KMT2D: variants seen among roughly 807,000 people sequenced by gnomAD.
KMT2D encodes the protein lysine methyltransferase 2D.
In KMT2D, 55 loss-of-function variants were observed where a neutral mutation model predicts 512.7. That is an observed-to-expected ratio of 0.11 (90% confidence interval 0.09 to 0.13). The LOEUF is 0.13. Among genes scored for constraint, KMT2D ranks in the 10% least tolerant of loss-of-function variants. The pLI is 1.00. For synonymous variants in KMT2D, 2,995 were observed against 2,904.0 expected (o/e 1.03, Z -1.01); for missense variants, 6,061 against 7,127.9 (o/e 0.85, Z 5.39).
rs1943547631 is a variant in KMT2D at position 49,041,860 on chromosome 12, A to G, written c.6183+57T>C. 2 of 1,547,258 alleles carry G rather than the reference A, an allele frequency of 1.3e-6. No individual in the cohort carries two copies. Among genetic ancestry groups the G allele is most frequent in the Non-Finnish European group, 8.8e-7 (1 of 1,138,450 alleles). On this transcript the variant is annotated intron_variant, in intron 30 of 54. Coordinates refer to ENST00000301067, the MANE Select transcript of KMT2D (RefSeq NM_003482.4). The surrounding 1 kb of genome is among the most constrained non-coding windows in gnomAD (Gnocchi z 5.4). The stretch of plus-strand genomic sequence containing the variant: ...CGGAAAGAACTGAGGTAAATTACCC[A>G]AAGATCCCTCCCTCCCTCTCAGTTC...
Position 49,031,047 on chromosome 12 carries a change from G to A in KMT2D, c.13531-14C>T, listed in dbSNP as rs762282284. 6.2e-7 allele frequency: 1 copy of A among 1,613,494 alleles called. No homozygotes were observed. The highest frequency in any genetic ancestry group is 8.5e-7 in the Non-Finnish European group (1 of 1,179,804). On this transcript the variant is annotated splice_polypyrimidine_tract_variant and intron_variant, in intron 40 of 54. Transcript: ENST00000301067. ...TGCTGCTGCATCCTAAGCCAAATAA[G>A]CCCATTGAAGGCTGCTACCCTCCTC...
At chr12:49,035,685 G>C (rs147682997) in intron 35 of KMT2D, 2 of 152,158 alleles carry the variant, frequency 1.3e-5, no homozygotes, top group African/African-American at 4.8e-5. Context: ...TCAGCCTGCC[G>C]AGTAGCTGTG....
intron 48 of KMT2D, 60 bp downstream of exon 48, chr12:49,027,743 C>T (rs901615819): frequency 2.6e-6 from 4 of 1,547,646 alleles, no homozygotes; most frequent in Admixed American, 2.0e-5. Flanking sequence ...TGTGAGCCAC[C>T]GCGCCTGGCC....
chr12:49,050,387 C>T lies in KMT2D; in HGVS notation c.3201G>A (p.Glu1067=), dbSNP rs1937881637. The T allele has an allele frequency of 6.2e-7, 1 of 1,613,284 alleles. No individual in the cohort carries two copies. Among genetic ancestry groups the T allele is most frequent in the African/African-American group, 1.3e-5 (1 of 74,928 alleles). Residue 1067 remains glutamate (E), a synonymous_variant, in exon 12 of 55, where the codon GAG becomes GAA. Coordinates refer to ENST00000301067, the MANE Select transcript of KMT2D (RefSeq NM_003482.4). ...PIGKVVGVSD[E]AELHEMETEK... ...CAGTCTCCATCTCGTGCAGCTCAGC[C>T]TCATCTGAGACCCCCACTACCTTCC... is the stretch of plus-strand genomic sequence containing the variant.
Position 49,026,252 on chromosome 12 carries a change from C to G in KMT2D, c.15714G>C (p.Arg5238=), listed in dbSNP as rs2137714981. 6.2e-7 allele frequency: 1 copy of G among 1,604,292 alleles called. No individual in the cohort carries two copies. The highest frequency in any genetic ancestry group is 2.2e-5 in the East Asian group (1 of 44,600). ...YRCSIGENNG[R]PEFVIKVIEQ... ...CGATGACTTTGATTACAAACTCCGG[C>G]CGCCCGTTGTTCTCACCAATAGAAC... Residue 5238 remains arginine (R), a synonymous_variant, in exon 49 of 55, where the codon CGG becomes CGC. Coordinates refer to ENST00000301067, the MANE Select transcript of KMT2D (RefSeq NM_003482.4). The surrounding 1 kb of genome is among the most constrained non-coding windows in gnomAD (Gnocchi z 9.6).
Position 49,055,144 on chromosome 12 carries a change from T to C in KMT2D, c.50-118A>G, listed in dbSNP as rs563458995. ...TGGATCAGAGTGATGATATTTCAAC[T>C]GTTGTCCCAAAGAACAAAGTTGTTC... On this transcript the variant is annotated intron_variant, in intron 2 of 54. Transcript: ENST00000301067. 1.6e-4 allele frequency: 254 copies of C among 1,554,576 alleles called. No individual in the cohort carries two copies. In the African/African-American group the frequency reaches 2.8e-3, roughly 17 times the overall value.
At chr12:49,043,251 G>GAGGGCC in intron 25 of KMT2D, 65 bp from the exon 26 acceptor site, 1 of 1,536,222 alleles carries the variant, frequency 6.5e-7, no homozygotes, top group Non-Finnish European at 9.0e-7. Flanking sequence ...CTGAACCACA[G>GAGGGCC]AGGGCCATGG....
At chr12:49,028,744 C>T (rs2120384776) in intron 46 of KMT2D, 84 bp downstream of exon 46, 4 of 1,559,118 alleles carry the variant, frequency 2.6e-6, no homozygotes, top group Non-Finnish European at 3.5e-6. Flanking sequence ...GCTTGAACGA[C>T]TACATTTTTC....
At position 49,020,728 on chromosome 12, in the gene KMT2D, C is replaced by G. The variant is rs752860393; in HGVS notation, c.*1052G>C. 5.2e-5 allele frequency: 11 copies of G among 212,328 alleles called. No homozygotes were observed. The highest frequency in any genetic ancestry group is 8.6e-5 in the Non-Finnish European group (9 of 104,656). The allele number at this position is 212,328 out of a possible 1,614,324, so 13.2% of individuals were successfully genotyped here. ...ATGGGCATGCCACTCAGGGATAGCC[C>G]TCACCCTACCCCCCACCCAACCCGT... On this transcript the variant is annotated 3_prime_UTR_variant, in exon 55 of 55. Transcript: ENST00000301067.
Position 49,024,772 on chromosome 12 carries a change from T to C in KMT2D, c.15921+38A>G. 4 of 1,608,754 alleles carry C rather than the reference T, an allele frequency of 2.5e-6. No individual in the cohort carries two copies. Among genetic ancestry groups the C allele is most frequent in the Non-Finnish European group, 3.4e-6 (4 of 1,176,106 alleles). On this transcript the variant is annotated intron_variant, in intron 50 of 54. Coordinates refer to ENST00000301067, the MANE Select transcript of KMT2D (RefSeq NM_003482.4). This position sits in a 1 kb window ranked among gnomAD's most constrained non-coding sequence, Gnocchi z 4.5. ...TTTGGGGTTAGGCCAAAGTTCTCAGTGCCCGCCAAGCCCCCCAGCTCCCAG... is the reference window on the plus strand; with the variant it reads ...TTTGGGGTTAGGCCAAAGTTCTCAGCGCCCGCCAAGCCCCCCAGCTCCCAG...
rs946474879 is a variant in KMT2D at position 49,020,761 on chromosome 12, C to T, written c.*1019G>A. 9.6e-6 allele frequency: 2 copies of T among 208,044 alleles called. No homozygotes were observed. Among genetic ancestry groups the T allele is most frequent in the Non-Finnish European group, 9.8e-6 (1 of 101,780 alleles). 12.9% of individuals were successfully genotyped at this position (208,044 alleles called of 1,614,324 possible). On this transcript the variant is annotated 3_prime_UTR_variant, in exon 55 of 55. Transcript: ENST00000301067. ...ACCCCCCACCCAACCCGTCCAGGGGCTGGAGGGCAAACAGGCTCATGATGA... is the reference window on the plus strand; with the variant it reads ...ACCCCCCACCCAACCCGTCCAGGGGTTGGAGGGCAAACAGGCTCATGATGA...
Position 49,042,630 on chromosome 12 carries a change from C to A in KMT2D, c.5798G>T (p.Gly1933Val), listed in dbSNP as rs780955090. Residue 1933 changes from glycine (G) to valine (V), a missense_variant, in exon 28 of 55, where the codon GGC becomes GTC. Gly to Val is a moderately radical substitution (Grantham distance 109, BLOSUM62 -3). Around this residue, in one of 16 missense-constraint regions of KMT2D, gnomAD observed 640 missense variants for 814.3 expected, o/e 0.79. Transcript: ENST00000301067. This position sits in a 1 kb window ranked among gnomAD's most constrained non-coding sequence, Gnocchi z 4.4. ...CATTGGGCTGCTGGAGGGCAGATTG[C>A]CCAAAGGGAGTCCACCTACAAGACG... ...RPFLQGGLPL[G>V]NLPSSSPMDS... The A allele has an allele frequency of 3.1e-6, 5 of 1,613,384 alleles. No individual in the cohort carries two copies. The highest frequency in any genetic ancestry group is 1.3e-5 in the African/African-American group (1 of 74,890).
At position 49,054,770 on chromosome 12, in the gene KMT2D, C is replaced by T. The variant is rs754931522; in HGVS notation, c.177-19G>A. 1.2e-6 allele frequency: 2 copies of T among 1,612,656 alleles called. No homozygotes were observed. Among genetic ancestry groups the T allele is most frequent in the East Asian group, 4.5e-5 (2 of 44,844 alleles). ...ACCCCCACTGTGGACACACAAGCAT[C>T]AGTACCACGCCAGGCCCCCAGCAAC... is the stretch of plus-strand genomic sequence containing the variant. On this transcript the variant is annotated intron_variant, in intron 3 of 54. Transcript: ENST00000301067. This position sits in a 1 kb window ranked among gnomAD's most constrained non-coding sequence, Gnocchi z 6.4.
At chr12:49,027,472 A>G (rs1343685265) in intron 48 of KMT2D, 150 bp from the exon 49 acceptor site, 1 of 706,092 alleles carries the variant, frequency 1.4e-6, no homozygotes, top group Non-Finnish European at 2.2e-6. Context: ...TTTTTTTGAG[A>G]CACAGTCTTG....
In KMT2D at chr12:49,060,589, T is replaced by C. The variant is rs750045168; in HGVS notation, c.-1014A>G. Among the ~76,000 whole-genome samples, 1 of 152,086 alleles carries C rather than the reference T, an allele frequency of 6.6e-6. No individual in the cohort carries two copies. The highest frequency in any genetic ancestry group is 1.5e-5 in the Non-Finnish European group (1 of 67,970). ...GGAAAGTAGTGCAGCGCGGCGCCGCTCCGCCTCCCCCCCTCCGCCTCCTGT... is the reference window on the plus strand; with the variant it reads ...GGAAAGTAGTGCAGCGCGGCGCCGCCCCGCCTCCCCCCCTCCGCCTCCTGT... On this transcript the variant is annotated 5_prime_UTR_variant, in exon 1 of 55. Transcript: ENST00000301067.
At position 49,042,738 on chromosome 12, in the gene KMT2D, T is replaced by G. The variant is rs1943599306; in HGVS notation, c.5782+3A>C. 6.2e-7 allele frequency: 1 copy of G among 1,612,792 alleles called. No individual in the cohort carries two copies. The highest frequency in any genetic ancestry group is 1.3e-5 in the African/African-American group (1 of 74,844). ...GTCTTCAGACCACTCCCACCTGTAT[T>G]ACCTTGAAGAAAGGGCCTCTGCAGT... On this transcript the variant is annotated splice_donor_region_variant and intron_variant, in intron 27 of 54. Transcript: ENST00000301067. The surrounding 1 kb of genome is among the most constrained non-coding windows in gnomAD (Gnocchi z 4.4).
chr12:49,021,939 T>G, intron 54 of KMT2D, 67 bp from the exon 55 acceptor site: 2 of 1,554,592 alleles, frequency 1.3e-6, no homozygotes. Context: ...AGAGAAGATA[T>G]GATCTGAGGT....
In KMT2D at chr12:49,022,300, C is replaced by T. The variant is rs757610867; in HGVS notation, c.16392G>A (p.Thr5464=). The change falls in exon 53 of 55, where the codon ACG becomes ACA. Residue 5464 remains threonine, a synonymous_variant. Transcript: ENST00000301067. The surrounding 1 kb of genome is among the most constrained non-coding windows in gnomAD (Gnocchi z 8.6). ...RINNEHVIDA[T]LTGGPARYIN... ...CTCACCTGGCAGGGCCGCCGGTCAA[C>T]GTAGCATCAATCACATGTTCATTGT... is the stretch of plus-strand genomic sequence containing the variant. The T allele has an allele frequency of 8.7e-6, 14 of 1,609,982 alleles. No homozygotes were observed. Among genetic ancestry groups the T allele is most frequent in the South Asian group, 7.7e-5 (7 of 90,944 alleles).
In KMT2D at chr12:49,051,269, T is replaced by G. The variant is rs1592154473; in HGVS notation, c.2414A>C (p.His805Pro). The G allele has an allele frequency of 6.6e-7, 1 of 1,526,290 alleles. No individual in the cohort carries two copies. Among genetic ancestry groups the G allele is most frequent in the African/African-American group, 1.5e-5 (1 of 67,460 alleles). The allele number at this position is 1,526,290 out of a possible 1,614,324, so 94.5% of individuals were successfully genotyped here. A position where few individuals can be genotyped will look rare whatever the true frequency, so the allele number is the denominator to read the frequency against. ...PHLSPQPEEL[H>P]LSPQTEEPHL... ...CGGCTCCTCAGTCTGGGGGGACAGG[T>G]GCAATTCCTCAGGCTGAGGGGACAG... is the stretch of plus-strand genomic sequence containing the variant. Residue 805 changes from histidine to proline, a missense_variant, in exon 11 of 55, where the codon CAC (histidine) becomes CCC (proline). Transcript: ENST00000301067.
Sources: allele counts gnomAD v4.1 joint callset (sites outside exome capture counted in the v4.1 genomes callset), GRCh38; gene constraint gnomAD v4.1.1; regional missense constraint gnomAD v4.1.1; non-coding constraint Gnocchi (gnomAD v3.1); transcripts MANE v1.5; gene names NCBI Gene and HGNC (gene_info 2026-07-23, HGNC 2026-07-21).